Variants in SLC35F4 observed in about 807,000 individuals in gnomAD.
SLC35F4 encodes the protein chromosome 14 open reading frame 36.
In SLC35F4, 24 loss-of-function variants were observed where a neutral mutation model predicts 44.2. The ratio of observed to expected loss-of-function variants is 0.54; its 90% CI spans 0.39 to 0.76. The LOEUF (loss-of-function observed/expected upper bound fraction) is 0.76, where lower values mean the gene tolerates loss of function less well. Ranked by LOEUF, SLC35F4 falls within the 30% of genes least tolerant of loss-of-function variation. The pLI is 0.00. For synonymous variants in SLC35F4, 238 were observed against 223.6 expected (o/e 1.06, Z -0.57); for missense variants, 562 against 586.1 (o/e 0.96, Z 0.42).
chr14:57,696,993 G>A (rs1268513538), intron 1 of SLC35F4, among the ~76,000 whole-genome samples: 2 of 152,222 alleles, frequency 1.3e-5, no homozygotes, highest in Middle Eastern at 3.4e-3. Flanking sequence ...CCTAGATGAC[G>A]GGTTGATAGG....
chr14:57,594,348 C>T (rs776810407), intron 1 of SLC35F4, among the ~76,000 whole-genome samples: 32 of 152,076 alleles, frequency 2.1e-4, no homozygotes, highest in Non-Finnish European at 4.0e-4. Context: ...TGCTACCACA[C>T]CCAGCTAATT....
intron 1 of SLC35F4, among the ~76,000 whole-genome samples, chr14:57,792,321 CT>C: frequency 6.6e-6 from 1 of 152,034 alleles, no homozygotes; most frequent in Non-Finnish European, 1.5e-5. Context: ...GGAATGTAAA[CT>C]AGTGCAGCCA....
At chr14:57,842,301 C>T (rs1389496139) in intron 1 of SLC35F4, among the ~76,000 whole-genome samples, 1 of 152,126 alleles carries the variant, frequency 6.6e-6, no homozygotes, top group Non-Finnish European at 1.5e-5. Context: ...TGGAAGGGCA[C>T]TCTGAAATGG....
chr14:57,911,643 G>T (rs868679076), intron 1 of SLC35F4, among the ~76,000 whole-genome samples: 8 of 151,850 alleles, frequency 5.3e-5, no homozygotes, highest in Admixed American at 5.2e-4. Context: ...ATCCCACATC[G>T]TCATAGCGTA....
chr14:57,651,020 C>A (rs533724310), intron 1 of SLC35F4, among the ~76,000 whole-genome samples: 39 of 152,288 alleles, frequency 2.6e-4, no homozygotes, highest in African/African-American at 8.9e-4. Flanking sequence ...TACTCCATAA[C>A]ATTACTCCAT....
chr14:57,733,301 C>G (rs1036746538), intron 1 of SLC35F4, among the ~76,000 whole-genome samples: 2 of 149,700 alleles, frequency 1.3e-5, no homozygotes, highest in African/African-American at 4.9e-5. Flanking sequence ...CTCTTGCTGC[C>G]TTGTCTAAGA....
intron 1 of SLC35F4, among the ~76,000 whole-genome samples, chr14:57,910,563 G>A (rs1889198208): frequency 6.6e-6 from 1 of 151,966 alleles, no homozygotes; most frequent in Admixed American, 6.6e-5. Flanking sequence ...GACTATCTTT[G>A]CTCCTTTGTC....
intron 1 of SLC35F4, among the ~76,000 whole-genome samples, chr14:57,802,678 T>C (rs1163471427): frequency 6.6e-6 from 1 of 152,140 alleles, no homozygotes; most frequent in African/African-American, 2.4e-5. Context: ...CAGAGAATGC[T>C]GTAAATACTT....
At chr14:57,876,084 G>A (rs1888394982) in intron 1 of SLC35F4, among the ~76,000 whole-genome samples, 1 of 152,174 alleles carries the variant, frequency 6.6e-6, no homozygotes, top group Non-Finnish European at 1.5e-5. Flanking sequence ...GCAACCTTTT[G>A]CATGACATGT....
intron 1 of SLC35F4, among the ~76,000 whole-genome samples, chr14:57,903,532 T>C (rs973742894): frequency 2.0e-5 from 3 of 152,222 alleles, no homozygotes; most frequent in African/African-American, 7.2e-5. Context: ...TTTGTCAATA[T>C]CCATCTTCCC....
intron 1 of SLC35F4, among the ~76,000 whole-genome samples, chr14:57,933,377 A>T (rs1159093988): frequency 1.3e-5 from 2 of 152,128 alleles, no homozygotes; most frequent in Non-Finnish European, 2.9e-5. Context: ...AAGACTTCAC[A>T]AACTGTTGGG....
intron 1 of SLC35F4, among the ~76,000 whole-genome samples, chr14:57,744,415 A>G (rs1242779107): frequency 2.0e-5 from 3 of 152,226 alleles, no homozygotes; most frequent in Admixed American, 2.0e-4. Context: ...AATCACAAAC[A>G]TTCCTATACA....
intron 1 of SLC35F4, among the ~76,000 whole-genome samples, chr14:57,612,818 A>G (rs1338287586): frequency 6.6e-6 from 1 of 152,232 alleles, no homozygotes; most frequent in Non-Finnish European, 1.5e-5. Flanking sequence ...CAATACCATA[A>G]TTAAGGACAA....
chr14:57,691,857 G>A (rs1199210531), intron 1 of SLC35F4, among the ~76,000 whole-genome samples: 1 of 152,100 alleles, frequency 6.6e-6, no homozygotes, highest in Non-Finnish European at 1.5e-5. Flanking sequence ...GGGGGTGGAG[G>A]GCCTTACAAA....
intron 1 of SLC35F4, among the ~76,000 whole-genome samples, chr14:57,652,699 A>G (rs1476404447): frequency 6.6e-6 from 1 of 151,144 alleles, no homozygotes; most frequent in Admixed American, 6.6e-5. Flanking sequence ...ACCCCCACAC[A>G]AAGATCTAAC....
chr14:57,982,267 A>T (rs1209735289), upstream of SLC35F4: 1 of 152,196 alleles, frequency 6.6e-6, no homozygotes, highest in Non-Finnish European at 1.5e-5. Flanking sequence ...GTGCCTGACA[A>T]AATGGCTTCC....
At position 57,950,957 on chromosome 14, in the gene SLC35F4, G is replaced by A. The variant is rs928896661; in HGVS notation, n.282+30956C>T. On this transcript the variant is annotated intron_variant and non_coding_transcript_variant, in intron 1 of 1. Transcript: ENST00000556568. ...TGGGATTACAGGCACGAGCCACCAC[G>A]CCCGGCCTGGATAGACTGTTTCTTA... Among the ~76,000 whole-genome samples the A allele has an allele frequency of 3.9e-5, 6 of 152,064 alleles. 1 individual carries two copies. Among genetic ancestry groups the A allele is most frequent in the East Asian group, 1.9e-4 (1 of 5,166 alleles).
At chr14:57,729,735 T>C (rs2076300349) in intron 1 of SLC35F4, among the ~76,000 whole-genome samples, 1 of 152,184 alleles carries the variant, frequency 6.6e-6, no homozygotes, top group African/African-American at 2.4e-5. Context: ...TCACTTGCTA[T>C]GCTAGTTCAC....
chr14:57,565,729 CCTT>C (rs139721583), intron 7 of SLC35F4, among the ~76,000 whole-genome samples: 18,924 of 152,122 alleles, frequency 0.12, 1,314 homozygotes, highest in Non-Finnish European at 0.15. Context: ...TGTAGGTTGG[CCTT>C]CTTTTACAAA....
Sources: gnomAD v4.1 joint callset for allele counts (sites outside exome capture counted in the v4.1 genomes callset) on GRCh38, gnomAD v4.1.1 for gene constraint, MANE v1.5 for transcripts, NCBI Gene and HGNC (gene_info 2026-07-23, HGNC 2026-07-21) for gene names.